The following KCNIP4 variants were observed in gnomAD, a reference collection of about 807,000 sequenced individuals.
The protein encoded by KCNIP4 is Kv channel-interacting protein 4.
Under a neutral mutation model 34.0 loss-of-function variants are expected in KCNIP4, and 12 were observed. That is an observed-to-expected ratio of 0.35 (90% CI 0.23 to 0.57). The LOEUF is 0.57. Ranked by LOEUF, KCNIP4 falls within the 20% of genes least tolerant of loss-of-function variation. The pLI is 0.83. For missense variants in KCNIP4, 238 were observed against 311.7 expected, an observed-to-expected ratio of 0.76 and a Z score of 1.78; for synonymous variants, 124 against 102.2, an observed-to-expected ratio of 1.21 and a Z score of -1.29.
chr4:21,493,700 G>A (rs1732604299), intron 1 of KCNIP4, among the ~76,000 whole-genome samples: 1 of 152,160 alleles, frequency 6.6e-6, no homozygotes, highest in South Asian at 2.1e-4. Flanking sequence ...TCTTTCACAT[G>A]AACGGAGCAC....
chr4:21,760,396 A>C (rs1369576116), intron 1 of KCNIP4, among the ~76,000 whole-genome samples: 2 of 151,910 alleles, frequency 1.3e-5, no homozygotes. Context: ...GCTGCTAATT[A>C]TTAACAATGA....
chr4:21,179,376 T>C (rs1030769629), intron 1 of KCNIP4, among the ~76,000 whole-genome samples: 5 of 152,208 alleles, frequency 3.3e-5, no homozygotes, highest in Admixed American at 6.5e-5. Context: ...CATAAAGTTT[T>C]GCTAAGGAAA....
chr4:20,748,607 C>A lies in KCNIP4; in HGVS notation c.429+1055G>T, dbSNP rs182087761. Among the ~76,000 whole-genome samples the A allele has an allele frequency of 4.8e-3, 487 of 101,440 alleles. 16 individuals are homozygous for A. In the East Asian group the frequency reaches 0.082, roughly 17 times the overall value. 66.5% of individuals were successfully genotyped at this position (101,440 alleles called of 152,430 possible). On this transcript the variant is annotated intron_variant, in intron 5 of 8. Coordinates refer to ENST00000382152, the MANE Select transcript of KCNIP4 (RefSeq NM_025221.6). ...ATATATATATATATATATATATATT[C>A]CATAAGTAAATATAAATGTATATAT...
intron 1 of KCNIP4, among the ~76,000 whole-genome samples, chr4:21,610,640 C>A (rs1211550893): frequency 6.6e-6 from 1 of 151,880 alleles, no homozygotes; most frequent in Non-Finnish European, 1.5e-5. Flanking sequence ...ATAAAAACAC[C>A]AATAAGAATA....
intron 1 of KCNIP4, among the ~76,000 whole-genome samples, chr4:20,920,788 G>A (rs1577369108): frequency 6.6e-6 from 1 of 152,058 alleles, no homozygotes. Flanking sequence ...TCAGGAGTTC[G>A]AGACCAGCCT....
rs556199166 is a variant in KCNIP4, at chr4:21,948,539, G to A, written c.61+32C>T. The A allele has an allele frequency of 8.1e-5, 130 of 1,602,878 alleles. 1 individual carries two copies. In the East Asian group the frequency reaches 2.2e-3, roughly 27 times the overall value. ...CTCGCGAGGGAAGGAGGGCGGAAGC[G>A]GGCGCCCGCTCGCAAGCTTATTGCA... On this transcript the variant is annotated intron_variant, in intron 1 of 8. Transcript: ENST00000382152.
Position 21,616,314 on chromosome 4 carries a change from C to T in KCNIP4, c.61+332257G>A, listed in dbSNP as rs549298192. ...TCACAATTGCACCCTTCAATCCTTC[C>T]CCTCCCACCCACCTCTTCTGTGCAT... On this transcript the variant is annotated intron_variant, in intron 1 of 8. Transcript: ENST00000382152. 2.1e-3 allele frequency among the ~76,000 whole-genome samples: 315 copies of T among 152,206 alleles called. 2 individuals carry two copies. The highest frequency in any genetic ancestry group is 7.2e-3 in the African/African-American group (298 of 41,542).
At chr4:21,865,803 G>A (rs760022702) in intron 1 of KCNIP4, among the ~76,000 whole-genome samples, 10 of 151,836 alleles carry the variant, frequency 6.6e-5, no homozygotes, top group Non-Finnish European at 1.2e-4. Flanking sequence ...TTGGTCTCCC[G>A]AAGTGCTGGG....
At chr4:20,851,210 G>C (rs112589066) in intron 2 of KCNIP4, among the ~76,000 whole-genome samples, 16,943 of 152,104 alleles carry the variant, frequency 0.11, 1,292 homozygotes, top group Non-Finnish European at 0.16. Flanking sequence ...CAGGTGCCCA[G>C]CATGTGTTGT....
intron 1 of KCNIP4, among the ~76,000 whole-genome samples, chr4:21,292,538 A>G (rs1763589377): frequency 1.3e-5 from 2 of 152,114 alleles, no homozygotes; most frequent in African/African-American, 2.4e-5. Flanking sequence ...TTTTAAAACT[A>G]TGACTGCGAA....
In KCNIP4 at chr4:21,612,628, G is replaced by A. The variant is rs147550618; in HGVS notation, c.61+335943C>T. ...TCTACATTGGCATCTAATATGATAC[G>A]GCTATTTAATAAAAAGCTAGTATTC... On this transcript the variant is annotated intron_variant, in intron 1 of 8. Transcript: ENST00000382152. Among the ~76,000 whole-genome samples, 351 of 152,232 alleles carry A rather than the reference G, an allele frequency of 2.3e-3. 3 individuals are homozygous for A. Among genetic ancestry groups the A allele is most frequent in the African/African-American group, 7.8e-3 (322 of 41,536 alleles).
chr4:21,178,881 G>A (rs1754639805), intron 1 of KCNIP4, among the ~76,000 whole-genome samples: 1 of 146,356 alleles, frequency 6.8e-6, no homozygotes, highest in African/African-American at 2.6e-5. Context: ...CAAGTGGCAT[G>A]ATCTCAGCTC....
intron 1 of KCNIP4, among the ~76,000 whole-genome samples, chr4:21,900,072 G>C (rs553822642): frequency 6.6e-6 from 1 of 152,062 alleles, no homozygotes; most frequent in Non-Finnish European, 1.5e-5. Context: ...TAGACCTATA[G>C]GATATTTTGT....
chr4:21,305,056 C>T (rs1469326433), intron 1 of KCNIP4, among the ~76,000 whole-genome samples: 1 of 151,902 alleles, frequency 6.6e-6, no homozygotes, highest in Non-Finnish European at 1.5e-5. Flanking sequence ...CCTAACACTG[C>T]CCAAATAGAT....
At chr4:21,605,506 A>T (rs1370866560) in intron 1 of KCNIP4, among the ~76,000 whole-genome samples, 7 of 151,912 alleles carry the variant, frequency 4.6e-5, no homozygotes, top group Non-Finnish European at 4.4e-5. Context: ...TTTGAGACGG[A>T]GTCTCACTCT....
intron 2 of KCNIP4, among the ~76,000 whole-genome samples, chr4:20,864,000 G>A (rs559755343): frequency 3.1e-5 from 4 of 129,564 alleles, no homozygotes; most frequent in Non-Finnish European, 5.4e-5. Flanking sequence ...CTAGATATAC[G>A]TACATGTAAA....
intron 1 of KCNIP4, among the ~76,000 whole-genome samples, chr4:21,054,677 C>A (rs1166509159): frequency 6.9e-6 from 1 of 145,190 alleles, no homozygotes; most frequent in East Asian, 2.0e-4. Flanking sequence ...TCTAGGGGTG[C>A]CAGACTCAAC....
intron 1 of KCNIP4, among the ~76,000 whole-genome samples, chr4:21,804,842 C>T (rs1178090881): frequency 1.2e-4 from 18 of 152,174 alleles, no homozygotes. Context: ...ATTCCACTGC[C>T]ATTCCACTCA....
chr4:20,912,825 C>T (rs34696544), intron 1 of KCNIP4, among the ~76,000 whole-genome samples: 15,177 of 152,062 alleles, frequency 0.1, 794 homozygotes, highest in South Asian at 0.23. Context: ...ATCAAAATCA[C>T]AAGAGACCAT....
Sources: allele counts gnomAD v4.1 joint callset (sites outside exome capture counted in the v4.1 genomes callset), GRCh38; gene constraint gnomAD v4.1.1; transcripts MANE v1.5; gene names NCBI Gene and HGNC (gene_info 2026-07-23, HGNC 2026-07-21).